Variants in SORCS3 observed in about 807,000 individuals in gnomAD.
The protein encoded by SORCS3 is VPS10 domain-containing receptor SorCS3.
SORCS3 carries 57 observed loss-of-function variants against 146.3 expected under a neutral mutation model. The observed-to-expected ratio is 0.39, with a 90% CI of 0.31 to 0.49. The LOEUF (loss-of-function observed/expected upper bound fraction) is 0.49. SORCS3 is among the 20% of genes least tolerant of loss of function. SORCS3 has a pLI of 0.92. For missense variants in SORCS3, 1,341 were observed against 1,575.5 expected, an observed-to-expected ratio of 0.85 and a Z score of 2.52; for synonymous variants, 653 against 618.5, an observed-to-expected ratio of 1.06 and a Z score of -0.83.
intron 3 of SORCS3, among the ~76,000 whole-genome samples, chr10:104,953,398 G>A (rs1284270126): frequency 2.0e-5 from 3 of 152,178 alleles, no homozygotes; most frequent in East Asian, 3.8e-4. Context: ...ATTCTAAAAC[G>A]GTGATGCTCA....
intron 3 of SORCS3, among the ~76,000 whole-genome samples, chr10:104,967,846 G>A (rs1176504196): frequency 1.3e-5 from 2 of 150,362 alleles, no homozygotes; most frequent in East Asian, 4.0e-4. Flanking sequence ...TTTTGATAGA[G>A]TTGAGGTTTC....
intron 7 of SORCS3, among the ~76,000 whole-genome samples, chr10:105,117,179 A>G (rs1359956399): frequency 2.6e-5 from 4 of 152,132 alleles, no homozygotes; most frequent in Admixed American, 2.6e-4. Flanking sequence ...TAACCAGTTT[A>G]GTAATGCACC....
At chr10:105,077,662 CTT>C (rs1382227935) in intron 5 of SORCS3, among the ~76,000 whole-genome samples, 1 of 152,118 alleles carries the variant, frequency 6.6e-6, no homozygotes, top group African/African-American at 2.4e-5. Context: ...CTTTTTGTCT[CTT>C]GTCTCTGCTT....
intron 5 of SORCS3, among the ~76,000 whole-genome samples, chr10:105,058,567 GAAACTC>G (rs2133716085): frequency 6.6e-6 from 1 of 152,274 alleles, no homozygotes; most frequent in South Asian, 2.1e-4. Flanking sequence ...AGAGCTGAAA[GAAACTC>G]AACAGGTTAG....
At chr10:104,692,592 T>G (rs1025026804) in intron 1 of SORCS3, among the ~76,000 whole-genome samples, 2 of 152,202 alleles carry the variant, frequency 1.3e-5, no homozygotes, top group Non-Finnish European at 2.9e-5. Flanking sequence ...TTTGTCCAGC[T>G]TACACTCTAA....
chr10:104,766,650 G>GC (rs1390282062), intron 1 of SORCS3, among the ~76,000 whole-genome samples: 3 of 152,216 alleles, frequency 2.0e-5, no homozygotes, highest in Non-Finnish European at 1.5e-5. Flanking sequence ...GGCCAGTTGA[G>GC]CATTCACATT....
intron 1 of SORCS3, among the ~76,000 whole-genome samples, chr10:104,814,997 A>C (rs1006936995): frequency 1.3e-5 from 2 of 152,148 alleles, no homozygotes; most frequent in African/African-American, 4.8e-5. Flanking sequence ...TGTGGATAGA[A>C]GTGGAGGAAG....
chr10:105,130,405 T>C (rs2056010271), intron 7 of SORCS3, among the ~76,000 whole-genome samples: 1 of 152,128 alleles, frequency 6.6e-6, no homozygotes, highest in East Asian at 1.9e-4. Context: ...CCAAACTCTT[T>C]GTCCCATGCT....
intron 2 of SORCS3, among the ~76,000 whole-genome samples, chr10:104,859,155 A>G (rs1440479896): frequency 6.6e-6 from 1 of 152,102 alleles, no homozygotes; most frequent in African/African-American, 2.4e-5. Context: ...TTGGATAATG[A>G]AATCTCTGGA....
intron 3 of SORCS3, among the ~76,000 whole-genome samples, chr10:104,943,728 A>G (rs796505517): frequency 5.9e-5 from 9 of 152,316 alleles, no homozygotes; most frequent in African/African-American, 2.2e-4. Context: ...TCTAAAATTT[A>G]TAAACAAATT....
intron 1 of SORCS3, among the ~76,000 whole-genome samples, chr10:104,750,669 T>C (rs1589484663): frequency 6.6e-6 from 1 of 152,170 alleles, no homozygotes; most frequent in Non-Finnish European, 1.5e-5. Flanking sequence ...AGACTAGAGA[T>C]CTGGGCCAAG....
chr10:104,999,639 TC>T (rs1416403478), intron 4 of SORCS3, among the ~76,000 whole-genome samples: 1 of 131,492 alleles, frequency 7.6e-6, no homozygotes, highest in Non-Finnish European at 1.7e-5. Flanking sequence ...CAGGATCTCT[TC>T]TGAAAACCCT....
chr10:104,855,208 C>T (rs986702332), intron 2 of SORCS3, among the ~76,000 whole-genome samples: 2 of 152,136 alleles, frequency 1.3e-5, no homozygotes, highest in African/African-American at 4.8e-5. Context: ...TCTGCCAGTA[C>T]CATCCTCTTC....
chr10:105,182,230 C>CTTTTTTTTTTTTTTTTTT lies in SORCS3; in HGVS notation c.2009+4063_2009+4080dup, dbSNP rs11340368. On this transcript the variant is annotated intron_variant, in intron 14 of 26. Coordinates refer to ENST00000369701, the MANE Select transcript of SORCS3 (RefSeq NM_014978.3). Reference sequence around the variant, plus strand: ...CAGCCAACTTGTGACTATTCAGCATCTTTTTTTTTTTTTTTTTTTTTTTGT... The same window carrying CTTTTTTTTTTTTTTTTTT: ...CAGCCAACTTGTGACTATTCAGCATCTTTTTTTTTTTTTTTTTTTTTTTTTTTTTTTTTTTTTTTTTGT... Among the ~76,000 whole-genome samples, 300 of 70,466 alleles carry CTTTTTTTTTTTTTTTTTT rather than the reference C, an allele frequency of 4.3e-3. 24 individuals carry two copies. Among genetic ancestry groups the CTTTTTTTTTTTTTTTTTT allele is most frequent in the Non-Finnish European group, 5.5e-3 (205 of 37,584 alleles). The allele number at this position is 70,466 out of a possible 152,430, so 46.2% of individuals were successfully genotyped here. A position where few individuals can be genotyped will look rare whatever the true frequency, so the allele number is the denominator to read the frequency against.
intron 2 of SORCS3, among the ~76,000 whole-genome samples, chr10:104,898,552 G>A (rs2018821489): frequency 6.6e-6 from 1 of 152,182 alleles, no homozygotes; most frequent in Admixed American, 6.5e-5. Flanking sequence ...GGACTGATTA[G>A]ATATTCACTA....
At chr10:104,694,775 A>C (rs2016154209) in intron 1 of SORCS3, among the ~76,000 whole-genome samples, 1 of 152,092 alleles carries the variant, frequency 6.6e-6, no homozygotes, top group African/African-American at 2.4e-5. Context: ...TACCTCCTAC[A>C]TGCACATTTC....
intron 1 of SORCS3, among the ~76,000 whole-genome samples, chr10:104,668,833 A>G (rs1401170449): frequency 6.6e-6 from 1 of 152,250 alleles, no homozygotes; most frequent in African/African-American, 2.4e-5. Flanking sequence ...AATAACTCTT[A>G]GTTGGAACTA....
At chr10:105,094,730 A>G (rs1468560698) in intron 6 of SORCS3, among the ~76,000 whole-genome samples, 1 of 152,226 alleles carries the variant, frequency 6.6e-6, no homozygotes, top group Non-Finnish European at 1.5e-5. Context: ...TAAGCAAGTT[A>G]GGGGAACCAT....
chr10:105,178,720 ACC>A (rs1389901013), intron 14 of SORCS3, among the ~76,000 whole-genome samples: 1 of 152,116 alleles, frequency 6.6e-6, no homozygotes, highest in Admixed American at 6.5e-5. Context: ...GAAGTTGATC[ACC>A]TGTGTTTATG....
Sources: gnomAD v4.1 joint callset for allele counts (sites outside exome capture counted in the v4.1 genomes callset) on GRCh38, gnomAD v4.1.1 for gene constraint, MANE v1.5 for transcripts, NCBI Gene and HGNC (gene_info 2026-07-23, HGNC 2026-07-21) for gene names.